Variants in MAPKAPK2 observed in about 807,000 individuals in gnomAD.
MAPKAPK2 encodes the protein MAP kinase-activated protein kinase 2.
A neutral mutation model predicts 48.8 loss-of-function variants in MAPKAPK2; 9 were observed. That is an observed-to-expected ratio of 0.18 (90% CI 0.11 to 0.32). The LOEUF is 0.32. MAPKAPK2 is among the 10% of genes least tolerant of loss of function. MAPKAPK2 has a pLI of 1.00. For synonymous variants in MAPKAPK2, 202 were observed against 190.6 expected, an observed-to-expected ratio of 1.06 and a Z score of -0.49; for missense variants, 331 against 498.3, an observed-to-expected ratio of 0.66 and a Z score of 3.20.
At chr1:206,695,840 A>G (rs1672605853) in intron 1 of MAPKAPK2, 3 of 497,986 alleles carry the variant, frequency 6.0e-6, no homozygotes, top group Non-Finnish European at 1.1e-5. Flanking sequence ...CACAGTGACC[A>G]TGGCAACCCC....
intron 1 of MAPKAPK2, among the ~76,000 whole-genome samples, chr1:206,688,925 C>T (rs1025700222): frequency 6.6e-6 from 1 of 152,146 alleles, no homozygotes; most frequent in Non-Finnish European, 1.5e-5. Context: ...TGAGCTACCG[C>T]GCCCGGCCTG....
chr1:206,693,043 G>C (rs991674966), intron 1 of MAPKAPK2, among the ~76,000 whole-genome samples: 2 of 152,166 alleles, frequency 1.3e-5, no homozygotes, highest in Admixed American at 6.5e-5. Flanking sequence ...TCCCCCTGCC[G>C]ACTCCTCCAC....
In MAPKAPK2 at chr1:206,731,021, C is replaced by A; in HGVS notation, c.768-117C>A. On this transcript the variant is annotated intron_variant, in intron 6 of 9. Transcript: ENST00000367103. The surrounding 1 kb of genome is among the most constrained non-coding windows in gnomAD (Gnocchi z 5.9). ...TGTATATTGTGCCTGTGTCAATAAGCCCTGATTTCTCTGTGACCTTTACAA... is the reference window on the plus strand; with the variant it reads ...TGTATATTGTGCCTGTGTCAATAAGACCTGATTTCTCTGTGACCTTTACAA... 7.1e-7 allele frequency: 1 copy of A among 1,400,828 alleles called. No homozygotes were observed. The highest frequency in any genetic ancestry group is 1.0e-6 in the Non-Finnish European group (1 of 995,376). 86.8% of individuals were successfully genotyped at this position (1,400,828 alleles called of 1,614,324 possible).
intron 1 of MAPKAPK2, among the ~76,000 whole-genome samples, chr1:206,689,686 A>C (rs1226972573): frequency 6.6e-6 from 1 of 152,232 alleles, no homozygotes; most frequent in Non-Finnish European, 1.5e-5. Context: ...CTAGGGCTGC[A>C]CTGTCCAATC....
intron 1 of MAPKAPK2, among the ~76,000 whole-genome samples, chr1:206,725,898 C>T (rs1673688086): frequency 6.6e-6 from 1 of 152,080 alleles, no homozygotes; most frequent in African/African-American, 2.4e-5. Context: ...CTTCTTCTGC[C>T]CCCCACTAGC....
chr1:206,696,046 C>T (rs1553426997), intron 1 of MAPKAPK2: 3 of 885,192 alleles, frequency 3.4e-6, no homozygotes, highest in Non-Finnish European at 3.9e-6. Flanking sequence ...GGGCAGCCAA[C>T]ATAGCAGCAT....
At chr1:206,697,330 G>A (rs1672662942) in intron 1 of MAPKAPK2, among the ~76,000 whole-genome samples, 2 of 152,332 alleles carry the variant, frequency 1.3e-5, no homozygotes, top group South Asian at 2.1e-4. Context: ...GTTAAACACT[G>A]TATTAGTCCA....
chr1:206,705,611 G>A (rs1672929162), intron 1 of MAPKAPK2, among the ~76,000 whole-genome samples: 1 of 152,210 alleles, frequency 6.6e-6, no homozygotes, highest in Admixed American at 6.5e-5. Flanking sequence ...GGAAGAAGCA[G>A]GTGGGCTGGA....
chr1:206,696,276 A>G, intron 1 of MAPKAPK2: 1 of 1,202,394 alleles, frequency 8.3e-7, no homozygotes, highest in Non-Finnish European at 1.2e-6. Context: ...CCATTTCTGC[A>G]TGTTGTTTCC....
chr1:206,707,069 C>T (rs1572493100), intron 1 of MAPKAPK2, among the ~76,000 whole-genome samples: 1 of 152,172 alleles, frequency 6.6e-6, no homozygotes, highest in East Asian at 1.9e-4. Context: ...CTTCTCTCTC[C>T]CACAGGTCTT....
chr1:206,699,779 C>T (rs1266216652), intron 1 of MAPKAPK2, among the ~76,000 whole-genome samples: 1 of 152,166 alleles, frequency 6.6e-6, no homozygotes, highest in Non-Finnish European at 1.5e-5. Flanking sequence ...TGTCCTTCAG[C>T]TCAGGAGCTG....
chr1:206,728,898 C>G (rs1673798277), intron 2 of MAPKAPK2, 49 bp downstream of exon 2: 2 of 1,612,038 alleles, frequency 1.2e-6, no homozygotes, highest in East Asian at 2.2e-5. Context: ...CCACTCCTCA[C>G]TCAGGCACCT....
chr1:206,717,803 A>T (rs1316446959), intron 1 of MAPKAPK2, among the ~76,000 whole-genome samples: 2 of 151,956 alleles, frequency 1.3e-5, no homozygotes, highest in Non-Finnish European at 2.9e-5. Context: ...CTTTTACTTA[A>T]TTTTTTTTAA....
In MAPKAPK2 at chr1:206,732,386, G is replaced by A. The variant is rs1161541104; in HGVS notation, c.1060-189G>A. On this transcript the variant is annotated intron_variant, in intron 9 of 9. Coordinates refer to ENST00000367103, the MANE Select transcript of MAPKAPK2 (RefSeq NM_032960.4). This position sits in a 1 kb window ranked among gnomAD's most constrained non-coding sequence, Gnocchi z 4.4. ...CAGTGCCATAGCCAGGCTCTCTGCT[G>A]CCCAGCGCTGGGGTGAGGCTGCCGT... 109 of 1,450,902 alleles carry A rather than the reference G, an allele frequency of 7.5e-5. No homozygotes were observed. Among genetic ancestry groups the A allele is most frequent in the Non-Finnish European group, 9.7e-5 (107 of 1,102,580 alleles). 89.9% of individuals were successfully genotyped at this position (1,450,902 alleles called of 1,614,324 possible).
Position 206,732,894 on chromosome 1 carries a change from G to C in MAPKAPK2, c.*176G>C. The C allele has an allele frequency of 1.4e-6, 1 of 695,416 alleles. No individual in the cohort carries two copies. The highest frequency in any genetic ancestry group is 2.3e-6 in the Non-Finnish European group (1 of 436,774). The allele number at this position is 695,416 out of a possible 1,614,324, so 43.1% of individuals were successfully genotyped here. ...TGGTTCTGGCCACCCCAGAGTGGGA[G>C]AGGCTGGGAGGTTGGGAGGCTGTGG... On this transcript the variant is annotated 3_prime_UTR_variant, in exon 10 of 10. Transcript: ENST00000367103. This position sits in a 1 kb window ranked among gnomAD's most constrained non-coding sequence, Gnocchi z 4.4.
At chr1:206,714,480 C>T (rs763323435) in intron 1 of MAPKAPK2, among the ~76,000 whole-genome samples, 12 of 151,830 alleles carry the variant, frequency 7.9e-5, no homozygotes, top group Non-Finnish European at 1.2e-4. Flanking sequence ...ACAAAAGTGC[C>T]GGCTGGACGC....
chr1:206,688,384 G>A (rs973219772), intron 1 of MAPKAPK2, among the ~76,000 whole-genome samples: 3 of 152,112 alleles, frequency 2.0e-5, no homozygotes, highest in Admixed American at 1.3e-4. Context: ...CAGGCACATG[G>A]CCACCTGCTG....
At chr1:206,689,185 G>A (rs956572060) in intron 1 of MAPKAPK2, among the ~76,000 whole-genome samples, 2 of 152,140 alleles carry the variant, frequency 1.3e-5, no homozygotes, top group Non-Finnish European at 2.9e-5. Context: ...TTTCCATTGC[G>A]TGGATTAGAG....
At chr1:206,701,067 T>C (rs192779589) in intron 1 of MAPKAPK2, among the ~76,000 whole-genome samples, 2,093 of 152,270 alleles carry the variant, frequency 0.014, 24 homozygotes, top group Non-Finnish European at 0.019. Flanking sequence ...CAGTCTTCTT[T>C]GAATTTAATC....
Sources: allele counts gnomAD v4.1 joint callset (sites outside exome capture counted in the v4.1 genomes callset), GRCh38; gene constraint gnomAD v4.1.1; non-coding constraint Gnocchi (gnomAD v3.1); transcripts MANE v1.5; gene names NCBI Gene and HGNC (gene_info 2026-07-23, HGNC 2026-07-21).